The following SNED1 variants were observed in gnomAD, a reference collection of about 807,000 sequenced individuals.
SNED1 encodes sushi, nidogen and EGF like domains 1, also known as sushi, nidogen and EGF-like domain-containing protein 1.
SNED1 carries 81 observed loss-of-function variants against 166.7 expected under a neutral mutation model. The ratio of observed to expected loss-of-function variants is 0.49; its 90% CI spans 0.41 to 0.58. SNED1 has a LOEUF of 0.58. Ranked by LOEUF, SNED1 falls within the 20% of genes least tolerant of loss-of-function variation. The probability of loss-of-function intolerance (pLI) is 0.00; values close to 1 mark genes in which losing one functional copy is unlikely to be tolerated. For missense variants in SNED1, 1,604 were observed against 2,000.2 expected, an observed-to-expected ratio of 0.80 and a Z score of 3.78; for synonymous variants, 762 against 822.0, an observed-to-expected ratio of 0.93 and a Z score of 1.25.
Position 241,071,619 on chromosome 2 carries a change from C to T in SNED1, c.3633C>T (p.His1211=), listed in dbSNP as rs370260391. Reference sequence around the variant, plus strand: ...ACAGACGCTGGCACCAGGGAGGACACCACCCTCGGGTGCTCAAGAACAGAC... The same window carrying T: ...ACAGACGCTGGCACCAGGGAGGACATCACCCTCGGGTGCTCAAGAACAGAC... The part of the protein sequence containing the change: ...GADRRWHQGG[H]HPRVLKNRPP... Residue 1211 remains histidine (H), a synonymous_variant, in exon 25 of 32, where the codon CAC becomes CAT. Coordinates refer to ENST00000310397, the MANE Select transcript of SNED1 (RefSeq NM_001080437.3). The T allele has an allele frequency of 8.1e-5, 128 of 1,587,000 alleles. No homozygotes were observed. The African/African-American group carries it at 1.4e-3, about 18-fold the overall frequency.
intron 1 of SNED1, among the ~76,000 whole-genome samples, chr2:241,025,165 G>A (rs754332740): frequency 1.4e-4 from 22 of 152,138 alleles, no homozygotes; most frequent in African/African-American, 3.1e-4. Flanking sequence ...GATCAGTGGC[G>A]GCATTTGATT....
At chr2:241,059,390 A>G (rs2062161820) in intron 16 of SNED1, among the ~76,000 whole-genome samples, 1 of 152,234 alleles carries the variant, frequency 6.6e-6, no homozygotes. Context: ...AGGGAAGAAC[A>G]CTTCTCATTT....
At chr2:240,998,567 C>A (rs1171423795), upstream of SNED1, among the ~76,000 whole-genome samples, 1 of 152,122 alleles carries the variant, frequency 6.6e-6, no homozygotes, top group Non-Finnish European at 1.5e-5. Context: ...CCCCGCCCCC[C>A]CGAGTGACCG....
intron 29 of SNED1, among the ~76,000 whole-genome samples, chr2:241,083,278 G>T (rs2063418513): frequency 6.6e-6 from 1 of 152,202 alleles, no homozygotes. Context: ...CCCAAGTCAG[G>T]AGTGTCCCTG....
At position 241,013,123 on chromosome 2, in the gene SNED1, C is replaced by T. The variant is rs375176117; in HGVS notation, c.213+14073C>T. On this transcript the variant is annotated intron_variant, in intron 1 of 31. Transcript: ENST00000310397. The surrounding 1 kb of genome is among the most constrained non-coding windows in gnomAD (Gnocchi z 4.6). ...TGATGGGATTACAGGCGTGAGCCAC[C>T]GCGCCCGGCCACGAGCAGTACTGTT... Among the ~76,000 whole-genome samples, 3 of 152,208 alleles carry T rather than the reference C, an allele frequency of 2.0e-5. No individual in the cohort carries two copies. Among genetic ancestry groups the T allele is most frequent in the East Asian group, 1.9e-4 (1 of 5,170 alleles).
intron 16 of SNED1, among the ~76,000 whole-genome samples, chr2:241,054,674 CAGTG>C (rs775111789): frequency 2.0e-5 from 3 of 152,210 alleles, no homozygotes; most frequent in Non-Finnish European, 4.4e-5. Flanking sequence ...ATTTTAAAAA[CAGTG>C]GGAATAAGCA....
intron 8 of SNED1, among the ~76,000 whole-genome samples, chr2:241,047,115 A>C (rs918189472): frequency 1.4e-5 from 2 of 143,360 alleles, no homozygotes; most frequent in African/African-American, 2.6e-5. Context: ...ACTGCACTGC[A>C]CTCCAGCCTG....
chr2:241,070,299 G>C, intron 24 of SNED1, 98 bp downstream of exon 24: 2 of 1,289,096 alleles, frequency 1.6e-6, no homozygotes, highest in Admixed American at 5.0e-5. Context: ...TGGGATGCCA[G>C]GCAGACAGCC....
At chr2:241,040,500 T>A in intron 8 of SNED1, 87 bp downstream of exon 8, 1 of 827,282 alleles carries the variant, frequency 1.2e-6, no homozygotes, top group Non-Finnish European at 1.9e-6. Flanking sequence ...CCTTCCTTCC[T>A]TGCCATCTGA....
At position 241,073,652 on chromosome 2, in the gene SNED1, TC is replaced by T. The variant is rs1257092812; in HGVS notation, c.3916+290del. The T allele has an allele frequency of 3.0e-5, 15 of 501,492 alleles. No individual in the cohort carries two copies. The East Asian group carries it at 4.3e-4, about 14-fold the overall frequency. 31.1% of individuals were successfully genotyped at this position (501,492 alleles called of 1,614,324 possible). Reference sequence around the variant, plus strand: ...TGATGCTGCCTCCCCTCCCCTCTCCTCCTTCGCCTCCACATGCAGCAGAGCC... The same window carrying T: ...TGATGCTGCCTCCCCTCCCCTCTCCTCTTCGCCTCCACATGCAGCAGAGCC... On this transcript the variant is annotated intron_variant, in intron 27 of 31. Transcript: ENST00000310397. The surrounding 1 kb of genome is among the most constrained non-coding windows in gnomAD (Gnocchi z 6.6).
intron 1 of SNED1, among the ~76,000 whole-genome samples, chr2:241,003,318 C>T (rs2060129869): frequency 6.6e-6 from 1 of 152,202 alleles, no homozygotes; most frequent in Non-Finnish European, 1.5e-5. Context: ...CCTCAGACGA[C>T]AGCCTGGGGC....
rs1462993106 is a variant in SNED1, at chr2:241,070,008, G to T, written c.3396G>T (p.Leu1132Phe). Residue 1132 changes from leucine (L) to phenylalanine (F), a missense_variant, in exon 24 of 32, where the codon TTG (leucine) becomes TTT (phenylalanine). This residue lies in a region of SNED1 where 1,237 missense variants were observed against 1,620.8 expected (regional missense o/e 0.76). Transcript: ENST00000310397. Reference protein sequence around the residue: ...VVWDAPTPGSLLEAYVINVTT... With the variant: ...VVWDAPTPGSFLEAYVINVTT... ...GGGATGCCCCGACTCCAGGCAGCTT[G>T]CTGGAGGCTTATGTCATCAATGTGA... 2 of 1,612,850 alleles carry T rather than the reference G, an allele frequency of 1.2e-6. No individual in the cohort carries two copies. Among genetic ancestry groups the T allele is most frequent in the African/African-American group, 2.7e-5 (2 of 74,944 alleles).
Position 241,024,652 on chromosome 2 carries a change from C to CTTATTTTATCTTATTTTATTTTATT in SNED1, c.214-5623_214-5622insCTTATTTTATTTTATTTTATTTTAT, listed in dbSNP as rs2060893441. ...ATATTTTAATCATGCCTTATTTTAT[C>CTTATTTTATCTTATTTTATTTTATT]TTATTTTATTTTATTTTATTTTATT... is the stretch of plus-strand genomic sequence containing the variant. On this transcript the variant is annotated intron_variant, in intron 1 of 31. Transcript: ENST00000310397. Among the ~76,000 whole-genome samples the CTTATTTTATCTTATTTTATTTTATT allele has an allele frequency of 2.1e-5, 3 of 139,640 alleles. No homozygotes were observed. The East Asian group carries it at 6.4e-4, about 30-fold the overall frequency. 91.6% of individuals were successfully genotyped at this position (139,640 alleles called of 152,430 possible).
At position 241,021,855 on chromosome 2, in the gene SNED1, T is replaced by C. The variant is rs2060783311; in HGVS notation, c.214-8429T>C. ...AATTATTTGAGGAAATGCCAGACTA[T>C]TTCCAAAGCAGCTGTACCATTTTAT... On this transcript the variant is annotated intron_variant, in intron 1 of 31. Transcript: ENST00000310397. Among the ~76,000 whole-genome samples the C allele has an allele frequency of 1.3e-5, 2 of 152,262 alleles. 1 individual carries two copies. The highest frequency in any genetic ancestry group is 4.1e-4 in the South Asian group (2 of 4,838).
chr2:241,036,684 G>T lies in SNED1; in HGVS notation c.806-106G>T, dbSNP rs1307977472. 6 of 1,496,076 alleles carry T rather than the reference G, an allele frequency of 4.0e-6. No homozygotes were observed. The Admixed American group carries it at 1.1e-4, about 27-fold the overall frequency. The allele number at this position is 1,496,076 out of a possible 1,614,324, so 92.7% of individuals were successfully genotyped here. A position where few individuals can be genotyped will look rare whatever the true frequency, so the allele number is the denominator to read the frequency against. On this transcript the variant is annotated intron_variant, in intron 4 of 31. Transcript: ENST00000310397. ...GCTGCGGTCACCCGGGCACCCAGAG[G>T]CCGACCTTTTGGGTCAGGGGAGGGA...
chr2:241,038,486 C>T (rs904584926), intron 6 of SNED1, among the ~76,000 whole-genome samples: 3 of 152,244 alleles, frequency 2.0e-5, no homozygotes, highest in Admixed American at 1.3e-4. Flanking sequence ...AAGCACAATT[C>T]CCACCTGGCG....
chr2:241,014,451 C>G (rs765261306), intron 1 of SNED1, among the ~76,000 whole-genome samples: 1 of 152,190 alleles, frequency 6.6e-6, no homozygotes, highest in Non-Finnish European at 1.5e-5. Flanking sequence ...CCCCGGCCGA[C>G]GCTTCTGCAA....
At chr2:241,063,956 TCCCTCCC>T in intron 18 of SNED1, 49 bp from the exon 19 acceptor site, 1 of 1,290,468 alleles carries the variant, frequency 7.7e-7, no homozygotes, top group Non-Finnish European at 1.1e-6. Flanking sequence ...TGTCCTCTCC[TCCCTCCC>T]CCAGACTCCC....
In SNED1 at chr2:241,082,280, G is replaced by A. The variant is rs1400372566; in HGVS notation, c.4037G>A (p.Cys1346Tyr). ...GFKGRRCELA[C>Y]IKVSRPCTRL... is the part of the protein sequence containing the mutation. ...CCACTGCCCTTCTTTGTCGCAGCCT[G>A]TATAAAGGTGTCCCGCCCCTGCACA... Residue 1346 changes from cysteine to tyrosine, a missense_variant, in exon 29 of 32, where the codon TGT (cysteine) becomes TAT (tyrosine). By Grantham distance (194) the Cys-to-Tyr change is radical. Around this residue, in one of 2 missense-constraint regions of SNED1, gnomAD observed 367 missense variants for 379.4 expected, o/e 0.97. Coordinates refer to ENST00000310397, the MANE Select transcript of SNED1 (RefSeq NM_001080437.3). 1.2e-6 allele frequency: 2 copies of A among 1,612,100 alleles called. No individual in the cohort carries two copies.
Sources: allele counts gnomAD v4.1 joint callset (sites outside exome capture counted in the v4.1 genomes callset), GRCh38; gene constraint gnomAD v4.1.1; regional missense constraint gnomAD v4.1.1; non-coding constraint Gnocchi (gnomAD v3.1); transcripts MANE v1.5; gene names NCBI Gene and HGNC (gene_info 2026-07-23, HGNC 2026-07-21).